The following RASGEF1C variants were observed in gnomAD, a reference collection of about 807,000 sequenced individuals.
RASGEF1C encodes ras-GEF domain-containing family member 1C.
RASGEF1C carries 27 observed loss-of-function variants against 58.1 expected under a neutral mutation model. The observed-to-expected ratio is 0.46, with a 90% CI of 0.34 to 0.64. The LOEUF is 0.64. Among genes scored for constraint, RASGEF1C ranks in the 30% least tolerant of loss-of-function variants. The pLI, the probability that RASGEF1C is intolerant of heterozygous loss-of-function variation, is 0.01. For missense variants in RASGEF1C, 502 were observed against 605.1 expected (o/e 0.83, Z 1.79); for synonymous variants, 243 against 246.3 (o/e 0.99, Z 0.13).
At position 180,198,381 on chromosome 5, in the gene RASGEF1C, A is replaced by T. The variant is rs1364860448; in HGVS notation, c.-7+10647T>A. 6.6e-6 allele frequency among the ~76,000 whole-genome samples: 1 copy of T among 152,232 alleles called. No individual in the cohort carries two copies. Among genetic ancestry groups the T allele is most frequent in the Non-Finnish European group, 1.5e-5 (1 of 68,046 alleles). The stretch of plus-strand genomic sequence containing the variant: ...CATCTGGTGTCTGAGGCCCAGAGCA[A>T]TCCTAGGACTGTAAGAGTCTCCCAG... On this transcript the variant is annotated intron_variant, in intron 1 of 13. Coordinates refer to ENST00000361132, the MANE Select transcript of RASGEF1C (RefSeq NM_175062.4). The surrounding 1 kb of genome is among the most constrained non-coding windows in gnomAD (Gnocchi z 4.5).
At chr5:180,152,714 TAA>T (rs200760464) in intron 1 of RASGEF1C, among the ~76,000 whole-genome samples, 4 of 140,410 alleles carry the variant, frequency 2.8e-5, no homozygotes, top group South Asian at 2.2e-4. Flanking sequence ...AAAGTATAAT[TAA>T]AAAAAAAAAA....
intron 6 of RASGEF1C, among the ~76,000 whole-genome samples, chr5:180,121,960 G>A (rs1345282081): frequency 6.6e-6 from 1 of 152,196 alleles, no homozygotes; most frequent in African/African-American, 2.4e-5. Context: ...CAAGCATGGT[G>A]CTGAAGTGCC....
intron 1 of RASGEF1C, among the ~76,000 whole-genome samples, chr5:180,149,561 T>A (rs1049765622): frequency 2.0e-5 from 3 of 151,872 alleles, no homozygotes; most frequent in Non-Finnish European, 4.4e-5. Context: ...GTTCAAGCGA[T>A]TCTCCTGCCT....
chr5:180,121,660 CA>C (rs1561734472), intron 6 of RASGEF1C, among the ~76,000 whole-genome samples: 4 of 86,976 alleles, frequency 4.6e-5, no homozygotes, highest in African/African-American at 1.8e-4. Context: ...CACACACACA[CA>C]CACACACACA....
chr5:180,143,900 G>A lies in RASGEF1C; in HGVS notation c.-6-5842C>T, dbSNP rs970225976. 6.6e-6 allele frequency among the ~76,000 whole-genome samples: 1 copy of A among 152,182 alleles called. No homozygotes were observed. Among genetic ancestry groups the A allele is most frequent in the Non-Finnish European group, 1.5e-5 (1 of 68,036 alleles). On this transcript the variant is annotated intron_variant, in intron 1 of 13. Transcript: ENST00000361132. The surrounding 1 kb of genome is among the most constrained non-coding windows in gnomAD (Gnocchi z 4.3). ...TGGTCAGAGCGCGTCCTGGGGGCTG[G>A]AGGGATGTTCTCCCTGGGCCAGGTG...
chr5:180,183,335 A>G (rs987756021), intron 1 of RASGEF1C, among the ~76,000 whole-genome samples: 2 of 152,206 alleles, frequency 1.3e-5, no homozygotes, highest in African/African-American at 4.8e-5. Flanking sequence ...CATTACCAAG[A>G]TCGGTTTAAT....
intron 1 of RASGEF1C, among the ~76,000 whole-genome samples, chr5:180,189,630 G>A (rs115693267): frequency 0.011 from 1,723 of 152,258 alleles, 11 homozygotes; most frequent in South Asian, 0.024. Context: ...TATTTCGGCC[G>A]TGCCTGGTGG....
rs1561747791 is a variant in RASGEF1C, at chr5:180,163,253, C to CT, written c.-6-25196_-6-25195insA. Reference sequence around the variant, plus strand: ...TCACTTTTTTTTTTTTTTTTTTTTTCCAGCCTATTGCACTGGCTAGGACTT... The same window carrying CT: ...TCACTTTTTTTTTTTTTTTTTTTTTCTCAGCCTATTGCACTGGCTAGGACTT... On this transcript the variant is annotated intron_variant, in intron 1 of 13. Coordinates refer to ENST00000361132, the MANE Select transcript of RASGEF1C (RefSeq NM_175062.4). 4.0e-4 allele frequency among the ~76,000 whole-genome samples: 2 copies of CT among 5,056 alleles called. 1 individual carries two copies. Among genetic ancestry groups the CT allele is most frequent in the Non-Finnish European group, 2.1e-3 (2 of 970 alleles). The allele number at this position is 5,056 out of a possible 152,430, so 3.3% of individuals were successfully genotyped here.
chr5:180,102,993 GAATT>G (rs1414131624), intron 12 of RASGEF1C, among the ~76,000 whole-genome samples: 1 of 152,220 alleles, frequency 6.6e-6, no homozygotes, highest in Non-Finnish European at 1.5e-5. Flanking sequence ...TCTGGGAGGA[GAATT>G]AATACCTTTG....
chr5:180,195,008 T>C (rs1227032109), intron 1 of RASGEF1C, among the ~76,000 whole-genome samples: 1 of 152,212 alleles, frequency 6.6e-6, no homozygotes, highest in Non-Finnish European at 1.5e-5. Context: ...ACCGAGGCCA[T>C]GCTTCCCCTC....
At chr5:180,195,548 CAGG>C (rs1756251860) in intron 1 of RASGEF1C, among the ~76,000 whole-genome samples, 1 of 152,112 alleles carries the variant, frequency 6.6e-6, no homozygotes, top group Admixed American at 6.5e-5. Flanking sequence ...ATCACGAGGT[CAGG>C]AGATCAAGAC....
chr5:180,120,873 T>G (rs1181300047), intron 7 of RASGEF1C, among the ~76,000 whole-genome samples, 187 bp downstream of exon 7: 4 of 151,864 alleles, frequency 2.6e-5, no homozygotes, highest in African/African-American at 7.3e-5. Flanking sequence ...TGGGTTCTAC[T>G]TGGAGGGAAA....
chr5:180,112,474 T>A (rs987450391), intron 11 of RASGEF1C, among the ~76,000 whole-genome samples: 3 of 152,206 alleles, frequency 2.0e-5, no homozygotes, highest in African/African-American at 7.2e-5. Flanking sequence ...GGGCTATAGA[T>A]GAAGACCCAT....
At chr5:180,183,889 C>T (rs945235153) in intron 1 of RASGEF1C, among the ~76,000 whole-genome samples, 47 of 151,670 alleles carry the variant, frequency 3.1e-4, no homozygotes, top group African/African-American at 9.2e-4. Flanking sequence ...AATAAACAGC[C>T]GGCCGGGTGT....
At chr5:180,113,241 G>C in intron 11 of RASGEF1C, among the ~76,000 whole-genome samples, 1 of 61,574 alleles carries the variant, frequency 1.6e-5, no homozygotes, top group Non-Finnish European at 3.5e-5. Context: ...GGGATGGACG[G>C]AGGGACCGAG....
chr5:180,203,276 C>A (rs1268979053), intron 1 of RASGEF1C, among the ~76,000 whole-genome samples: 1 of 152,124 alleles, frequency 6.6e-6, no homozygotes. Flanking sequence ...TCATGTATGT[C>A]ACGTTATACT....
intron 12 of RASGEF1C, among the ~76,000 whole-genome samples, chr5:180,105,493 C>T (rs765564678): frequency 2.0e-4 from 30 of 151,396 alleles, no homozygotes; most frequent in Non-Finnish European, 3.4e-4. Flanking sequence ...ACCCGGGAGG[C>T]GGAGGTTGCA....
intron 1 of RASGEF1C, among the ~76,000 whole-genome samples, chr5:180,159,347 C>T (rs1158559871): frequency 6.6e-6 from 1 of 152,026 alleles, no homozygotes; most frequent in Non-Finnish European, 1.5e-5. Context: ...ACCATGTTGC[C>T]CAGGGTGGTC....
At position 180,118,851 on chromosome 5, in the gene RASGEF1C, C is replaced by T. The variant is rs1766118295; in HGVS notation, c.923G>A (p.Ser308Asn). 6.2e-7 allele frequency: 1 copy of T among 1,614,104 alleles called. No homozygotes were observed. Among genetic ancestry groups the T allele is most frequent in the Non-Finnish European group, 8.5e-7 (1 of 1,180,030 alleles). ...GGTCTTCTTCAGCCTGGAGACAGGG[C>T]TCATGTTCATGCCGGCTGGAAGAGG... ...LMAIISGMNM[S>N]PVSRLKKTWA... The change falls in exon 9 of 14, where the codon AGC becomes AAC. Residue 308 changes from serine (S) to asparagine (N), a missense_variant. Transcript: ENST00000361132.
Sources: allele counts gnomAD v4.1 joint callset (sites outside exome capture counted in the v4.1 genomes callset), GRCh38; gene constraint gnomAD v4.1.1; non-coding constraint Gnocchi (gnomAD v3.1); transcripts MANE v1.5; gene names NCBI Gene and HGNC (gene_info 2026-07-23, HGNC 2026-07-21).